Variants in DYNC2LI1 observed in about 807,000 individuals in gnomAD.
DYNC2LI1 encodes the protein dynein cytoplasmic 2 light intermediate chain 1.
In DYNC2LI1, 45 loss-of-function variants were observed where a neutral mutation model predicts 51.9. That is an observed-to-expected ratio of 0.87 (90% CI 0.68 to 1.11). DYNC2LI1 has a LOEUF of 1.11. DYNC2LI1 is among the 50% of genes most tolerant of loss of function. The pLI is 0.00. For missense variants in DYNC2LI1, 490 were observed against 417.4 expected (o/e 1.17, Z -1.51); for synonymous variants, 130 against 137.8 (o/e 0.94, Z 0.40).
chr2:43,791,282 T>C (rs1459490685), intron 5 of DYNC2LI1, among the ~76,000 whole-genome samples: 4 of 152,022 alleles, frequency 2.6e-5, no homozygotes, highest in African/African-American at 9.7e-5. Flanking sequence ...GGCCAGAGGC[T>C]GAAAGGGTGA....
In DYNC2LI1 at chr2:43,804,724, G is replaced by C; in HGVS notation, c.885G>C (p.Lys295Asn). 6.2e-7 allele frequency: 1 copy of C among 1,602,110 alleles called. No homozygotes were observed. The highest frequency in any genetic ancestry group is 1.7e-5 in the Admixed American group (1 of 57,816). The part of the protein sequence containing the change: ...PMELWKKVYE[K>N]LFPPKSINTL... ...AGTTGTGGAAAAAAGTGTATGAAAA[G>C]CTCTTTCCACCAAAGGTACATATTT... The change falls in exon 11 of 13, where the codon AAG (lysine) becomes AAC (asparagine). Residue 295 changes from lysine to asparagine, a missense_variant. Coordinates refer to ENST00000260605, the MANE Select transcript of DYNC2LI1 (RefSeq NM_016008.4).
At chr2:43,825,033 G>T in the DYNC2LI1 span, 6 of 1,613,040 alleles carry the variant, frequency 3.7e-6, no homozygotes, top group Non-Finnish European at 4.2e-6. Flanking sequence ...CCAGACAACA[G>T]ACGTAGTTAG....
chr2:43,795,748 T>G, intron 6 of DYNC2LI1, 142 bp from the exon 7 acceptor site: 1 of 650,122 alleles, frequency 1.5e-6, no homozygotes, highest in Non-Finnish European at 2.7e-6. Flanking sequence ...AAGTTAAATA[T>G]TAGAACAAAT....
Position 43,809,346 on chromosome 2 carries a change from C to A in DYNC2LI1, c.994-359C>A, listed in dbSNP as rs548254685. Among the ~76,000 whole-genome samples the A allele has an allele frequency of 6.8e-4, 103 of 152,200 alleles. 4 individuals carry two copies. The South Asian group carries it at 0.021, about 32-fold the overall frequency. On this transcript the variant is annotated intron_variant, in intron 12 of 12. Coordinates refer to ENST00000260605, the MANE Select transcript of DYNC2LI1 (RefSeq NM_016008.4). ...ACTTCAACCAAGTTTTTGATTAGAGCTGAACAGCAAACAATTAAAATAAGA... is the reference window on the plus strand; with the variant it reads ...ACTTCAACCAAGTTTTTGATTAGAGATGAACAGCAAACAATTAAAATAAGA...
the DYNC2LI1 span, chr2:43,828,122 G>A: frequency 1.9e-6 from 3 of 1,613,898 alleles, no homozygotes; most frequent in African/African-American, 1.3e-5. Context: ...CCACCTGCAG[G>A]AGACACAAAT....
At chr2:43,813,205 T>A, downstream of DYNC2LI1, 1 of 1,607,574 alleles carries the variant, frequency 6.2e-7, no homozygotes, top group Non-Finnish European at 8.5e-7. Flanking sequence ...ATCAGAAAGT[T>A]CATTGTGAAT....
chr2:43,816,119 A>T, the DYNC2LI1 span, among the ~76,000 whole-genome samples: 1 of 152,174 alleles, frequency 6.6e-6, no homozygotes. Flanking sequence ...TTGATATCAG[A>T]AAAGAAAACC....
chr2:43,797,576 A>C (rs1024831839), intron 8 of DYNC2LI1, among the ~76,000 whole-genome samples: 1 of 146,460 alleles, frequency 6.8e-6, no homozygotes, highest in Admixed American at 6.9e-5. Context: ...CTGGAGTATA[A>C]TAGCATGGTC....
chr2:43,810,297 G>A (rs138705441), downstream of DYNC2LI1: 139 of 930,502 alleles, frequency 1.5e-4, no homozygotes, highest in Middle Eastern at 5.5e-4. Context: ...CAGTGGTCTG[G>A]AATGGGGCAT....
intron 8 of DYNC2LI1, among the ~76,000 whole-genome samples, chr2:43,797,805 A>G (rs1665933895): frequency 6.6e-6 from 1 of 152,112 alleles, no homozygotes; most frequent in Non-Finnish European, 1.5e-5. Flanking sequence ...AGCGTGAGCC[A>G]CCATGCCTGG....
the DYNC2LI1 span, chr2:43,822,483 C>CCA: frequency 2.2e-6 from 2 of 906,682 alleles, no homozygotes; most frequent in Non-Finnish European, 1.3e-6. Context: ...CCCAGGCCCC[C>CCA]CCCCATGCAC....
chr2:43,794,707 A>G (rs775114768), intron 6 of DYNC2LI1, 64 bp downstream of exon 6: 6 of 1,611,674 alleles, frequency 3.7e-6, no homozygotes, highest in Non-Finnish European at 4.2e-6. Context: ...TGATAACATC[A>G]CAAACAACTT....
At chr2:43,789,919 A>G (rs1322870996) in intron 5 of DYNC2LI1, among the ~76,000 whole-genome samples, 198 bp downstream of exon 5, 1 of 152,224 alleles carries the variant, frequency 6.6e-6, no homozygotes, top group African/African-American at 2.4e-5. Flanking sequence ...CCCGTGCTGA[A>G]CTGAGATAGC....
At chr2:43,775,166 A>G (rs1372636759) in intron 1 of DYNC2LI1, among the ~76,000 whole-genome samples, 2 of 152,248 alleles carry the variant, frequency 1.3e-5, no homozygotes, top group Non-Finnish European at 2.9e-5. Flanking sequence ...TTTTAGAGAT[A>G]GAGAAACAAT....
chr2:43,812,011 G>T (rs1022076369), downstream of DYNC2LI1, among the ~76,000 whole-genome samples: 3 of 152,012 alleles, frequency 2.0e-5, no homozygotes, highest in African/African-American at 7.2e-5. Context: ...TTTCTAGTAT[G>T]TACCCTGTTC....
Position 43,809,919 on chromosome 2 carries a change from G to C in DYNC2LI1, c.*152G>C, listed in dbSNP as rs1460960465. On this transcript the variant is annotated 3_prime_UTR_variant, in exon 13 of 13. Coordinates refer to ENST00000260605, the MANE Select transcript of DYNC2LI1 (RefSeq NM_016008.4). Reference sequence around the variant, plus strand: ...ATTTCTTGGACTAGTGCATCTCCCTGTATATCTTGAAGCTTTTTAAAAGGA... The same window carrying C: ...ATTTCTTGGACTAGTGCATCTCCCTCTATATCTTGAAGCTTTTTAAAAGGA... 7.2e-7 allele frequency: 1 copy of C among 1,379,648 alleles called. No homozygotes were observed. Among genetic ancestry groups the C allele is most frequent in the Non-Finnish European group, 9.4e-7 (1 of 1,065,506 alleles). The allele number at this position is 1,379,648 out of a possible 1,614,324, so 85.5% of individuals were successfully genotyped here. A position where few individuals can be genotyped will look rare whatever the true frequency, so the allele number is the denominator to read the frequency against.
chr2:43,810,573 T>C (rs1010196468), downstream of DYNC2LI1: 3 of 945,946 alleles, frequency 3.2e-6, no homozygotes, highest in East Asian at 3.5e-4. Context: ...TGTTCTTCCA[T>C]GTCCACATAC....
intron 3 of DYNC2LI1, among the ~76,000 whole-genome samples, chr2:43,786,208 T>C (rs1673512952): frequency 6.6e-6 from 1 of 152,194 alleles, no homozygotes; most frequent in Non-Finnish European, 1.5e-5. Context: ...ATTGTTTTTG[T>C]TTTTTTGTGA....
At chr2:43,774,518 G>C (rs558786439) in intron 1 of DYNC2LI1, among the ~76,000 whole-genome samples, 22 of 152,316 alleles carry the variant, frequency 1.4e-4, no homozygotes, top group African/African-American at 5.1e-4. Context: ...AGTAATAAGC[G>C]AGGGGAAACT....
Sources: allele counts gnomAD v4.1 joint callset (sites outside exome capture counted in the v4.1 genomes callset), GRCh38; gene constraint gnomAD v4.1.1; transcripts MANE v1.5; gene names NCBI Gene and HGNC (gene_info 2026-07-23, HGNC 2026-07-21).